SNX17: variants seen among roughly 807,000 people sequenced by gnomAD.
SNX17 encodes the protein sorting nexin-17.
In SNX17, 35 loss-of-function variants were observed where a neutral mutation model predicts 64.3. The ratio of observed to expected loss-of-function variants is 0.54; its 90% CI spans 0.42 to 0.72. The LOEUF (loss-of-function observed/expected upper bound fraction) is 0.72, where lower values mean the gene tolerates loss of function less well. Among genes scored for constraint, SNX17 ranks in the 30% least tolerant of loss-of-function variants. The pLI, the probability that SNX17 is intolerant of heterozygous loss-of-function variation, is 0.00. For missense variants in SNX17, 538 were observed against 610.0 expected (o/e 0.88, Z 1.24); for synonymous variants, 259 against 230.2 (o/e 1.13, Z -1.13).
At chr2:27,371,191 G>C in intron 1 of SNX17, 78 bp from the exon 2 acceptor site, 1 of 1,339,102 alleles carries the variant, frequency 7.5e-7, no homozygotes. Flanking sequence ...CGAGTTGCCA[G>C]GCAACTTCCG....
intron 2 of SNX17, chr2:27,371,630 C>G (rs1317834687): frequency 2.2e-5 from 7 of 315,016 alleles, no homozygotes; most frequent in Admixed American, 4.8e-5. Flanking sequence ...CCCCTCCCCC[C>G]ACTACCTCCA....
rs202198419 is a variant in SNX17 at position 27,376,323 on chromosome 2, G to T, written c.1193G>T (p.Arg398Leu). Reference protein sequence around the residue: ...SGGSIRKMLRRRVGGTLRRSD... With the variant: ...SGGSIRKMLRLRVGGTLRRSD... The stretch of plus-strand genomic sequence containing the variant: ...TGTGTCTGTCCCCAGATGCTGCGCC[G>T]GCGGGTGGGGGGTACTCTGAGACGC... The change falls in exon 13 of 15, where the codon CGG (arginine) becomes CTG (leucine). Residue 398 changes from arginine (R) to leucine (L), a missense_variant. Physicochemically the swap from Arg to Leu is moderately radical, Grantham distance 102. This residue lies in a region of SNX17 where 505 missense variants were observed against 550.4 expected (regional missense o/e 0.92). Coordinates refer to ENST00000233575, the MANE Select transcript of SNX17 (RefSeq NM_014748.4). 6.2e-7 allele frequency: 1 copy of T among 1,611,648 alleles called. No individual in the cohort carries two copies. The highest frequency in any genetic ancestry group is 8.5e-7 in the Non-Finnish European group (1 of 1,178,252).
intron 14 of SNX17, 40 bp from the exon 15 acceptor site, chr2:27,376,566 C>G: frequency 6.2e-7 from 1 of 1,613,602 alleles, no homozygotes; most frequent in Non-Finnish European, 8.5e-7. Flanking sequence ...GGGGATCTTG[C>G]ACGCCCAAGA....
chr2:27,373,208 GT>G, intron 3 of SNX17, 38 bp from the exon 4 acceptor site: 1 of 1,613,494 alleles, frequency 6.2e-7, no homozygotes. Context: ...CCAAGAGTGA[GT>G]GCTAAGTTCC....
rs748007161 is a variant in SNX17, at chr2:27,373,247, T to A, written c.257T>A (p.Val86Asp). The A allele has an allele frequency of 6.2e-7, 1 of 1,614,208 alleles. No homozygotes were observed. Among genetic ancestry groups the A allele is most frequent in the Non-Finnish European group, 8.5e-7 (1 of 1,180,016 alleles). Residue 86 changes from valine (V) to aspartate (D), a missense_variant and splice_region_variant, in exon 4 of 15, where the codon GTT becomes GAT. Val to Asp is a radical substitution (Grantham distance 152). Coordinates refer to ENST00000233575, the MANE Select transcript of SNX17 (RefSeq NM_014748.4). Reference sequence around the variant, plus strand: ...TAATAATGTTCTCTTGTCCTCGTAGTTCGGCAAGACCCATTGCTTGGGAGC... The same window carrying A: ...TAATAATGTTCTCTTGTCCTCGTAGATCGGCAAGACCCATTGCTTGGGAGC... Reference protein sequence around the residue: ...REQLEKYMQAVRQDPLLGSSE... With the variant: ...REQLEKYMQADRQDPLLGSSE...
At chr2:27,371,154 C>A in intron 1 of SNX17, 115 bp from the exon 2 acceptor site, 1 of 938,482 alleles carries the variant, frequency 1.1e-6, no homozygotes, top group Non-Finnish European at 1.7e-6. Context: ...GCGAACTATC[C>A]CTCGGGAGAT....
At chr2:27,371,175 C>G (rs768319520) in intron 1 of SNX17, 94 bp from the exon 2 acceptor site, 22 of 1,120,738 alleles carry the variant, frequency 2.0e-5, no homozygotes, top group Non-Finnish European at 2.7e-5. Flanking sequence ...TAGCGCGTTA[C>G]TCCGGCGAGT....
chr2:27,375,020 G>T lies in SNX17; in HGVS notation c.682-41G>T. 6.4e-7 allele frequency: 1 copy of T among 1,573,578 alleles called. No individual in the cohort carries two copies. The highest frequency in any genetic ancestry group is 1.1e-5 in the South Asian group (1 of 90,228). ...TGGTAGACGCTTTCCTTGGATTGCTGACTGGGACCTCCTACTGCCTGCCCC... is the reference window on the plus strand; with the variant it reads ...TGGTAGACGCTTTCCTTGGATTGCTTACTGGGACCTCCTACTGCCTGCCCC... On this transcript the variant is annotated intron_variant, in intron 8 of 14. Coordinates refer to ENST00000233575, the MANE Select transcript of SNX17 (RefSeq NM_014748.4). This position sits in a 1 kb window ranked among gnomAD's most constrained non-coding sequence, Gnocchi z 4.1.
In SNX17 at chr2:27,370,767, C is replaced by A; in HGVS notation, c.24C>A (p.Thr8=). The A allele has an allele frequency of 6.5e-7, 1 of 1,548,502 alleles. No individual in the cohort carries two copies. Among genetic ancestry groups the A allele is most frequent in the South Asian group, 1.2e-5 (1 of 83,950 alleles). MHFSIPE[T]ESRSGDSGGS... ...ACATGCACTTTTCCATTCCCGAAAC[C>A]GAGTCCCGCAGCGGGGACAGCGGCG... Residue 8 remains threonine (T), a synonymous_variant, in exon 1 of 15, where the codon ACC becomes ACA. Transcript: ENST00000233575.
chr2:27,376,704 A>G lies in SNX17; in HGVS notation c.1398A>G (p.Gly466=), dbSNP rs1215070793. 6.2e-7 allele frequency: 1 copy of G among 1,614,010 alleles called. No homozygotes were observed. The highest frequency in any genetic ancestry group is 8.5e-7 in the Non-Finnish European group (1 of 1,179,906). The change falls in exon 15 of 15, where the codon GGA becomes GGG. Residue 466 remains glycine (G), a synonymous_variant. Transcript: ENST00000233575. ...VHGNFAFEGI[G]DEDL is the part of the protein sequence containing the mutation. Reference sequence around the variant, plus strand: ...GCAATTTCGCCTTCGAGGGCATTGGAGATGAGGATCTGTAATCTCCACTGC... The same window carrying G: ...GCAATTTCGCCTTCGAGGGCATTGGGGATGAGGATCTGTAATCTCCACTGC...
chr2:27,375,602 A>T lies in SNX17; in HGVS notation c.871A>T (p.Ser291Cys), dbSNP rs770978778. 8 of 1,614,102 alleles carry T rather than the reference A, an allele frequency of 5.0e-6. No homozygotes were observed. In the South Asian group the frequency reaches 8.8e-5, roughly 18 times the overall value. The change falls in exon 10 of 15, where the codon AGC (serine) becomes TGC (cysteine). Residue 291 changes from serine to cysteine, a missense_variant. Ser to Cys is a moderately radical substitution (Grantham distance 112, BLOSUM62 -1). Around this residue, in one of 3 missense-constraint regions of SNX17, gnomAD observed 505 missense variants for 550.4 expected, o/e 0.92. Transcript: ENST00000233575. The surrounding 1 kb of genome is among the most constrained non-coding windows in gnomAD (Gnocchi z 4.1). ...AGAAAAGGACTGTCCTGTGGTGGTGAGCGCGGGCAACAGTGAGCTCAGCCT... is the reference window on the plus strand; with the variant it reads ...AGAAAAGGACTGTCCTGTGGTGGTGTGCGCGGGCAACAGTGAGCTCAGCCT... ...FPEKDCPVVV[S>C]AGNSELSLQL...
Position 27,371,530 on chromosome 2 carries a change from C to G in SNX17, c.138+187C>G, listed in dbSNP as rs76476582. The G allele has an allele frequency of 1.6e-5, 19 of 1,218,796 alleles. 1 individual carries two copies. Among genetic ancestry groups the G allele is most frequent in the African/African-American group, 1.4e-4 (9 of 63,670 alleles). 75.5% of individuals were successfully genotyped at this position (1,218,796 alleles called of 1,614,324 possible). A position where few individuals can be genotyped will look rare whatever the true frequency, so the allele number is the denominator to read the frequency against. On this transcript the variant is annotated intron_variant, in intron 2 of 14. Transcript: ENST00000233575. The stretch of plus-strand genomic sequence containing the variant: ...AACTCCCTAAGAAGCTTAATGTCCG[C>G]GCAACAACTGCTCCTTCCTGTTCTT...
rs1393518352 is a variant in SNX17 at position 27,370,669 on chromosome 2, G to A, written c.-75G>A. On this transcript the variant is annotated 5_prime_UTR_variant, in exon 1 of 15. Transcript: ENST00000233575. ...GAGTGAGGCTGCGGGGACTCGCTGAGCAGCGGAGGGGGAGCGTGCAGAGCC... is the reference window on the plus strand; with the variant it reads ...GAGTGAGGCTGCGGGGACTCGCTGAACAGCGGAGGGGGAGCGTGCAGAGCC... 4.8e-5 allele frequency: 71 copies of A among 1,481,842 alleles called. No individual in the cohort carries two copies. The highest frequency in any genetic ancestry group is 5.9e-5 in the Non-Finnish European group (66 of 1,111,734). 91.8% of individuals were successfully genotyped at this position (1,481,842 alleles called of 1,614,324 possible).
chr2:27,370,897 A>G lies in SNX17; in HGVS notation c.63+91A>G, dbSNP rs544053659. On this transcript the variant is annotated intron_variant, in intron 1 of 14. Coordinates refer to ENST00000233575, the MANE Select transcript of SNX17 (RefSeq NM_014748.4). ...GAGCGGCCTCTGAGGCCTGACCGCC[A>G]CCCTTCGGGCCTGGTCCTGGGCCGC... 5.7e-4 allele frequency: 805 copies of G among 1,404,592 alleles called. 7 individuals are homozygous for G. The East Asian group carries it at 0.017, about 30-fold the overall frequency. The allele number at this position is 1,404,592 out of a possible 1,614,324, so 87.0% of individuals were successfully genotyped here.
intron 2 of SNX17, among the ~76,000 whole-genome samples, chr2:27,371,961 T>C (rs1383070128): frequency 6.6e-6 from 1 of 152,212 alleles, no homozygotes; most frequent in East Asian, 1.9e-4. Context: ...CTCGGCTCAC[T>C]GCAACCTCTG....
At position 27,376,788 on chromosome 2, in the gene SNX17, C is replaced by A; in HGVS notation, c.*69C>A. ...CAGAAACTTGCCCTGTGCCTGTGTC[C>A]CCCATGCTAGGGGCGGAGGGGTCTT... On this transcript the variant is annotated 3_prime_UTR_variant, in exon 15 of 15. Coordinates refer to ENST00000233575, the MANE Select transcript of SNX17 (RefSeq NM_014748.4). 1.5e-6 allele frequency: 2 copies of A among 1,365,808 alleles called. No individual in the cohort carries two copies. Among genetic ancestry groups the A allele is most frequent in the East Asian group, 2.3e-5 (1 of 43,098 alleles). 84.6% of individuals were successfully genotyped at this position (1,365,808 alleles called of 1,614,324 possible).
At position 27,376,173 on chromosome 2, in the gene SNX17, G is replaced by A. The variant is rs1683194595; in HGVS notation, c.1172G>A (p.Ser391Asn). 2 of 1,614,170 alleles carry A rather than the reference G, an allele frequency of 1.2e-6. No homozygotes were observed. Among genetic ancestry groups the A allele is most frequent in the East Asian group, 4.5e-5 (2 of 44,872 alleles). The change falls in exon 12 of 15, where the codon AGT becomes AAT. Residue 391 changes from serine to asparagine, a missense_variant. Physicochemically the swap from Ser to Asn is conservative, Grantham distance 46 (BLOSUM62 1). Around this residue, in one of 3 missense-constraint regions of SNX17, gnomAD observed 505 missense variants for 550.4 expected, o/e 0.92. Coordinates refer to ENST00000233575, the MANE Select transcript of SNX17 (RefSeq NM_014748.4). The part of the protein sequence containing the change: ...DELMVKKSGG[S>N]IRKMLRRRVG... ...CTGATGGTGAAGAAATCTGGCGGCA[G>A]TATCAGGAAGGTAGGCAGCAAGTGT...
In SNX17 at chr2:27,374,713, C is replaced by A; in HGVS notation, c.636C>A (p.Asp212Glu). 6.2e-7 allele frequency: 1 copy of A among 1,614,118 alleles called. No homozygotes were observed. The highest frequency in any genetic ancestry group is 8.5e-7 in the Non-Finnish European group (1 of 1,180,022). Residue 212 changes from aspartate to glutamate, a missense_variant, in exon 8 of 15, where the codon GAC becomes GAA. This residue lies in a region of SNX17 where 505 missense variants were observed against 550.4 expected (regional missense o/e 0.92). Transcript: ENST00000233575. ...GTTATTGGGACTCTGCCTATGATGA[C>A]GATGTCATGGAGAACCGGGTTGGCC... is the stretch of plus-strand genomic sequence containing the variant. ...RKSYWDSAYD[D>E]DVMENRVGLN...
rs746560045 is a variant in SNX17, at chr2:27,376,185, T to C, written c.1182+2T>C. 3 of 1,614,062 alleles carry C rather than the reference T, an allele frequency of 1.9e-6. No individual in the cohort carries two copies. Among genetic ancestry groups the C allele is most frequent in the Non-Finnish European group, 2.5e-6 (3 of 1,179,982 alleles). On this transcript the variant is annotated splice_donor_variant, in intron 12 of 14. Coordinates refer to ENST00000233575, the MANE Select transcript of SNX17 (RefSeq NM_014748.4). LOFTEE classifies it high-confidence loss of function. ...AAATCTGGCGGCAGTATCAGGAAGG[T>C]AGGCAGCAAGTGTGGACTGAGCAGT...
Sources: gnomAD v4.1 joint callset for allele counts (sites outside exome capture counted in the v4.1 genomes callset) on GRCh38, gnomAD v4.1.1 for gene constraint, gnomAD v4.1.1 regional missense constraint, Gnocchi (gnomAD v3.1) non-coding constraint, MANE v1.5 for transcripts, NCBI Gene and HGNC (gene_info 2026-07-23, HGNC 2026-07-21) for gene names.